Variants in KRT80 observed in about 807,000 individuals in gnomAD.
KRT80 encodes keratin 80.
In KRT80, 36 loss-of-function variants were observed where a neutral mutation model predicts 51.5. That is an observed-to-expected ratio of 0.70 (90% CI 0.54 to 0.92). The LOEUF is 0.92. Ranked by LOEUF, KRT80 falls within the 40% of genes least tolerant of loss-of-function variation. The probability of loss-of-function intolerance (pLI) is 0.00; values close to 1 mark genes in which losing one functional copy is unlikely to be tolerated. For missense variants in KRT80, 566 were observed against 591.7 expected (o/e 0.96, Z 0.45); for synonymous variants, 235 against 248.3 (o/e 0.95, Z 0.50).
intron 1 of KRT80, among the ~76,000 whole-genome samples, chr12:52,190,380 G>A (rs1388513372): frequency 6.6e-6 from 1 of 152,240 alleles, no homozygotes; most frequent in Non-Finnish European, 1.5e-5. Context: ...AGCCACTGCA[G>A]GGTGGCAGTG....
chr12:52,181,176 C>G (rs1941315618), intron 2 of KRT80, among the ~76,000 whole-genome samples: 1 of 152,170 alleles, frequency 6.6e-6, no homozygotes, highest in Non-Finnish European at 1.5e-5. Flanking sequence ...GTTCCTCACT[C>G]CCTCCTGATG....
intron 4 of KRT80, among the ~76,000 whole-genome samples, chr12:52,180,201 T>G (rs978092661): frequency 4.6e-5 from 7 of 152,184 alleles, no homozygotes; most frequent in Admixed American, 4.6e-4. Context: ...GAGGCCAGCC[T>G]CCTGACCCTT....
At chr12:52,174,046 C>T (rs924805673) in intron 4 of KRT80, among the ~76,000 whole-genome samples, 7 of 152,236 alleles carry the variant, frequency 4.6e-5, no homozygotes, top group African/African-American at 1.7e-4. Flanking sequence ...CAAGCTTCCC[C>T]ACTGCCTGCA....
At chr12:52,186,334 C>G (rs1275694428) in intron 1 of KRT80, among the ~76,000 whole-genome samples, 1 of 152,148 alleles carries the variant, frequency 6.6e-6, no homozygotes, top group African/African-American at 2.4e-5. Context: ...TTCAGTTTAG[C>G]TGCTCCTCCT....
At chr12:52,180,405 A>G (rs190991806) in intron 4 of KRT80, 108 bp downstream of exon 4, 7 of 638,876 alleles carry the variant, frequency 1.1e-5, no homozygotes, top group African/African-American at 9.3e-5. Flanking sequence ...ATTGTAAGTG[A>G]CTGTTGGAGG....
intron 4 of KRT80, among the ~76,000 whole-genome samples, chr12:52,176,114 G>A (rs1941216312): frequency 6.6e-6 from 1 of 152,230 alleles, no homozygotes; most frequent in Non-Finnish European, 1.5e-5. Flanking sequence ...GACATTTTCT[G>A]GAAAGAGGCA....
intron 1 of KRT80, among the ~76,000 whole-genome samples, chr12:52,188,695 T>G (rs1464591701): frequency 6.6e-6 from 1 of 152,204 alleles, no homozygotes; most frequent in African/African-American, 2.4e-5. Context: ...TCTCCATCCC[T>G]CTGTCTCCAG....
rs1352636403 is a variant in KRT80 at position 52,185,383 on chromosome 12, T to C, written c.505A>G (p.Ile169Val). Residue 169 changes from isoleucine to valine, a missense_variant, in exon 2 of 9, where the codon ATC becomes GTC. Transcript: ENST00000394815. ...QVLEKVEEFR[I>V]RYEDEISKRT... is the part of the protein sequence containing the mutation. Reference sequence around the variant, plus strand: ...CTCTCATGGGGCTCTACGTACCTGATTCGAAACTCCTCAACCTTCTCCAGC... The same window carrying C: ...CTCTCATGGGGCTCTACGTACCTGACTCGAAACTCCTCAACCTTCTCCAGC... 1.9e-6 allele frequency: 3 copies of C among 1,611,066 alleles called. No homozygotes were observed. The highest frequency in any genetic ancestry group is 1.1e-5 in the South Asian group (1 of 90,672).
chr12:52,173,362 G>A (rs1019905993), intron 5 of KRT80, among the ~76,000 whole-genome samples, 199 bp from the exon 6 acceptor site: 3 of 152,136 alleles, frequency 2.0e-5, no homozygotes, highest in Non-Finnish European at 2.9e-5. Flanking sequence ...AGCCCCATGG[G>A]CCATGCCCAC....
Position 52,180,920 on chromosome 12 carries a change from A to G in KRT80, c.553T>C (p.Phe185Leu), listed in dbSNP as rs765143151. 14 of 1,575,976 alleles carry G rather than the reference A, an allele frequency of 8.9e-6. No individual in the cohort carries two copies. Among genetic ancestry groups the G allele is most frequent in the Admixed American group, 3.9e-5 (2 of 51,882 alleles). Reference sequence around the variant, plus strand: ...CAGGCTACCTTCTTCAGCTGAACAAAGGTGAACTCCATGTCTGTGCGCTTG... The same window carrying G: ...CAGGCTACCTTCTTCAGCTGAACAAGGGTGAACTCCATGTCTGTGCGCTTG... ...ISKRTDMEFTFVQLKKDLDAE... is the reference protein window; with the variant it reads ...ISKRTDMEFTLVQLKKDLDAE... The change falls in exon 3 of 9, where the codon TTT becomes CTT. Residue 185 changes from phenylalanine to leucine, a missense_variant. Physicochemically the swap from Phe to Leu is conservative, Grantham distance 22. Transcript: ENST00000394815.
chr12:52,173,172 A>C lies in KRT80; in HGVS notation c.832-9T>G. 6.2e-7 allele frequency: 1 copy of C among 1,603,706 alleles called. No individual in the cohort carries two copies. Among genetic ancestry groups the C allele is most frequent in the Non-Finnish European group, 8.5e-7 (1 of 1,175,184 alleles). On this transcript the variant is annotated splice_polypyrimidine_tract_variant and intron_variant, in intron 5 of 8. Transcript: ENST00000394815. ...GCGGCCTGCTCCTCCAGCTGGAGGT[A>C]CATGGAGGTCTCAGTGAGGGGCAGC...
chr12:52,191,907 CCCCCGGCCGGAAGCAGGAGGG>C lies in KRT80; in HGVS notation c.-26_-6del. On this transcript the variant is annotated 5_prime_UTR_variant, in exon 1 of 9. Transcript: ENST00000394815. ...CACGCAGGAGCGGCAGGCCATGGTG[CCCCCGGCCGGAAGCAGGAGGG>C]CCCAGGGGGGTGAGCGAGTGAGCCT... 6.9e-7 allele frequency: 1 copy of C among 1,459,108 alleles called. No homozygotes were observed. Among genetic ancestry groups the C allele is most frequent in the Non-Finnish European group, 9.1e-7 (1 of 1,103,804 alleles). 90.4% of individuals were successfully genotyped at this position (1,459,108 alleles called of 1,614,324 possible).
chr12:52,179,283 C>G (rs1253054435), intron 4 of KRT80, among the ~76,000 whole-genome samples: 1 of 152,226 alleles, frequency 6.6e-6, no homozygotes, highest in Admixed American at 6.5e-5. Context: ...TGCACCAGCC[C>G]ACAGTGAGTT....
In KRT80 at chr12:52,171,471, CT is replaced by C. The variant is rs756823818; in HGVS notation, c.1285del (p.Ser429AlafsTer5). ...GGTGATTTTGATCACGGGGCCTTTG[CT>C]GCCCTTCTTCTTTCGGGAGGGGGCC... is the stretch of plus-strand genomic sequence containing the variant. ...SKAPSRKKKG[S>X]KGPVIKITEM... is the part of the protein sequence containing the mutation. On this transcript the variant is annotated frameshift_variant, in exon 9 of 9. Coordinates refer to ENST00000394815, the MANE Select transcript of KRT80 (RefSeq NM_182507.3). LOFTEE classifies it high-confidence loss of function. 2 of 1,613,180 alleles carry C rather than the reference CT, an allele frequency of 1.2e-6. No homozygotes were observed. Among genetic ancestry groups the C allele is most frequent in the Non-Finnish European group, 8.5e-7 (1 of 1,179,584 alleles).
At chr12:52,181,008 T>TG in intron 2 of KRT80, 45 bp from the exon 3 acceptor site, 1 of 1,457,728 alleles carries the variant, frequency 6.9e-7, no homozygotes, top group Non-Finnish European at 9.2e-7. Flanking sequence ...GGTGGGGGCT[T>TG]GGGCCTGGTG....
rs376310800 is a variant in KRT80, at chr12:52,191,938, G to A, written c.-36C>T. ...GCCGGAAGCAGGAGGGCCCAGGGGG[G>A]TGAGCGAGTGAGCCTGGGGTTGCGT... On this transcript the variant is annotated 5_prime_UTR_variant, in exon 1 of 9. Coordinates refer to ENST00000394815, the MANE Select transcript of KRT80 (RefSeq NM_182507.3). 8.4e-6 allele frequency: 12 copies of A among 1,433,678 alleles called. 1 individual carries two copies. The South Asian group carries it at 1.0e-4, about 12-fold the overall frequency. 88.8% of individuals were successfully genotyped at this position (1,433,678 alleles called of 1,614,324 possible). A position where few individuals can be genotyped will look rare whatever the true frequency, so the allele number is the denominator to read the frequency against.
intron 4 of KRT80, among the ~76,000 whole-genome samples, chr12:52,176,247 G>A (rs35023905): frequency 0.079 from 11,978 of 152,262 alleles, 619 homozygotes; most frequent in South Asian, 0.21. Flanking sequence ...CTTGTGTGGT[G>A]TGGAGGTACC....
rs767029448 is a variant in KRT80 at position 52,172,325 on chromosome 12, C to A, written c.1051G>T (p.Ala351Ser). The change falls in exon 7 of 9, where the codon GCC (alanine) becomes TCC (serine). Residue 351 changes from alanine (A) to serine (S), a missense_variant. Physicochemically the swap from Ala to Ser is moderately conservative, Grantham distance 99 (BLOSUM62 1). Transcript: ENST00000394815. ...AKTKLAQLEA[A>S]LQQAKQDMAR... is the part of the protein sequence containing the mutation. ...ATGTCCTGCTTGGCCTGCTGCAGGG[C>A]GGCCTCCAGCTGGGCCAGCTTGGTC... The A allele has an allele frequency of 1.2e-6, 2 of 1,614,094 alleles. No individual in the cohort carries two copies. Among genetic ancestry groups the A allele is most frequent in the African/African-American group, 1.3e-5 (1 of 74,946 alleles).
At chr12:52,180,633 G>C in intron 3 of KRT80, 25 bp from the exon 4 acceptor site, 1 of 1,532,788 alleles carries the variant, frequency 6.5e-7, no homozygotes, top group South Asian at 1.3e-5. Context: ...AGTGGTGAGT[G>C]GTGGGAGAGG....
Sources: allele counts gnomAD v4.1 joint callset (sites outside exome capture counted in the v4.1 genomes callset), GRCh38; gene constraint gnomAD v4.1.1; transcripts MANE v1.5; gene names NCBI Gene and HGNC (gene_info 2026-07-23, HGNC 2026-07-21).